The following SNX3 variants were observed in gnomAD, a reference collection of about 807,000 sequenced individuals.
SNX3 encodes the protein sorting nexin 3, also known as sorting nexin-3.
A neutral mutation model predicts 17.7 loss-of-function variants in SNX3; 5 were observed. That is an observed-to-expected ratio of 0.28 (90% CI 0.15 to 0.59). The LOEUF (loss-of-function observed/expected upper bound fraction) is 0.59, where lower values mean the gene tolerates loss of function less well. SNX3 is among the 20% of genes least tolerant of loss of function. The pLI is 0.88. For synonymous variants in SNX3, 91 were observed against 76.5 expected (o/e 1.19, Z -0.99); for missense variants, 132 against 206.8 (o/e 0.64, Z 2.22).
chr6:108,250,949 C>A lies in SNX3; in HGVS notation c.162+9811G>T, dbSNP rs568828631. On this transcript the variant is annotated intron_variant, in intron 1 of 3. Transcript: ENST00000230085. ...TTCTCTGCTAAGAGATTAAGTGATT[C>A]TCTGCCAAGAGACACTGGCTTCATT... is the stretch of plus-strand genomic sequence containing the variant. Among the ~76,000 whole-genome samples the A allele has an allele frequency of 2.6e-5, 4 of 152,276 alleles. 1 individual carries two copies. The South Asian group carries it at 8.3e-4, about 32-fold the overall frequency.
intron 1 of SNX3, among the ~76,000 whole-genome samples, chr6:108,247,838 C>T (rs1442800981): frequency 6.6e-6 from 1 of 152,012 alleles, no homozygotes; most frequent in East Asian, 1.9e-4. Flanking sequence ...TGGCTCATGC[C>T]TGTAATCCCA....
chr6:108,257,983 T>A (rs1268378371), intron 1 of SNX3, among the ~76,000 whole-genome samples: 4 of 151,536 alleles, frequency 2.6e-5, no homozygotes, highest in African/African-American at 4.9e-5. Flanking sequence ...AAAATAAAAA[T>A]AAAAAAAGAA....
chr6:108,213,711 A>G (rs1381659128), intron 3 of SNX3, among the ~76,000 whole-genome samples: 1 of 152,170 alleles, frequency 6.6e-6, no homozygotes, highest in Non-Finnish European at 1.5e-5. Context: ...ACAGATTCAC[A>G]GACAATGAAT....
chr6:108,256,049 G>C (rs907971115), intron 1 of SNX3, among the ~76,000 whole-genome samples: 2 of 152,084 alleles, frequency 1.3e-5, no homozygotes, highest in Non-Finnish European at 2.9e-5. Context: ...GGGCAACATA[G>C]TGAGATCTCG....
intron 1 of SNX3, among the ~76,000 whole-genome samples, chr6:108,259,309 C>G (rs1040395041): frequency 1.3e-5 from 2 of 152,234 alleles, no homozygotes; most frequent in African/African-American, 4.8e-5. Context: ...TCTAGGCTCA[C>G]GGCAACCTCT....
At chr6:108,236,963 C>A (rs1775364616) in intron 1 of SNX3, among the ~76,000 whole-genome samples, 1 of 152,158 alleles carries the variant, frequency 6.6e-6, no homozygotes, top group Non-Finnish European at 1.5e-5. Context: ...TAAAGCTCCA[C>A]AAAGAATGTT....
At chr6:108,249,602 T>C (rs185676154) in intron 1 of SNX3, among the ~76,000 whole-genome samples, 1 of 152,278 alleles carries the variant, frequency 6.6e-6, no homozygotes, top group Admixed American at 6.5e-5. Context: ...ACCAACTTTC[T>C]TTCCTTTATG....
At chr6:108,223,594 G>A (rs1018253293) in intron 1 of SNX3, among the ~76,000 whole-genome samples, 1 of 137,370 alleles carries the variant, frequency 7.3e-6, no homozygotes, top group Admixed American at 7.5e-5. Context: ...ACCTCCTAGG[G>A]TCAAGTGATT....
At chr6:108,248,902 A>G (rs1481443684) in intron 1 of SNX3, among the ~76,000 whole-genome samples, 1 of 152,124 alleles carries the variant, frequency 6.6e-6, no homozygotes, top group Non-Finnish European at 1.5e-5. Context: ...CTGGGACTAC[A>G]GGTATGCATC....
chr6:108,253,393 CTTTTTTTTTT>C (rs369223904), intron 1 of SNX3, among the ~76,000 whole-genome samples: 1 of 123,468 alleles, frequency 8.1e-6, no homozygotes, highest in African/African-American at 3.0e-5. Context: ...ATACATATGT[CTTTTTTTTTT>C]TTTTTTTTTT....
chr6:108,253,401 T>A (rs556912212), intron 1 of SNX3, among the ~76,000 whole-genome samples: 1 of 151,618 alleles, frequency 6.6e-6, no homozygotes, highest in East Asian at 1.9e-4. Context: ...GTCTTTTTTT[T>A]TTTTTTTTTT....
At position 108,244,504 on chromosome 6, in the gene SNX3, A is replaced by G. The variant is rs1775622640; in HGVS notation, c.162+16256T>C. Among the ~76,000 whole-genome samples the G allele has an allele frequency of 2.6e-5, 4 of 152,288 alleles. No homozygotes were observed. The South Asian group carries it at 6.2e-4, about 24-fold the overall frequency. ...TTATTACTGTGGTAAAATATACATA[A>G]TATAAAATTATTTTAAGCATGTTTA... On this transcript the variant is annotated intron_variant, in intron 1 of 3. Transcript: ENST00000230085.
chr6:108,248,327 AACAG>A (rs1294751831), intron 1 of SNX3, among the ~76,000 whole-genome samples: 9 of 152,250 alleles, frequency 5.9e-5, no homozygotes, highest in Admixed American at 5.2e-4. Flanking sequence ...TCTGGAATAT[AACAG>A]ACAGTTCATA....
chr6:108,215,857 A>C (rs548798375), intron 2 of SNX3, among the ~76,000 whole-genome samples: 2 of 152,152 alleles, frequency 1.3e-5, no homozygotes, highest in Non-Finnish European at 2.9e-5. Context: ...ACTTGAGTCC[A>C]GGAGTTCAGG....
rs139469665 is a variant in SNX3 at position 108,251,945 on chromosome 6, T to C, written c.162+8815A>G. Among the ~76,000 whole-genome samples, 22 of 151,976 alleles carry C rather than the reference T, an allele frequency of 1.4e-4. No individual in the cohort carries two copies. The East Asian group carries it at 3.7e-3, about 25-fold the overall frequency. ...GGCATGGTGGTGCACGACCTATATA[T>C]TCCCAGCTACTTGGGAGGCTGAAGC... On this transcript the variant is annotated intron_variant, in intron 1 of 3. Transcript: ENST00000230085.
chr6:108,233,619 C>T (rs1233871780), intron 1 of SNX3, among the ~76,000 whole-genome samples: 1 of 152,144 alleles, frequency 6.6e-6, no homozygotes, highest in East Asian at 1.9e-4. Context: ...CATGGTGGCA[C>T]ACGCCTGTAA....
chr6:108,257,676 G>T (rs529628104), intron 1 of SNX3, among the ~76,000 whole-genome samples: 1 of 152,230 alleles, frequency 6.6e-6, no homozygotes, highest in South Asian at 2.1e-4. Flanking sequence ...CATACTAAAA[G>T]AAATCCAGGC....
At chr6:108,223,494 GTTC>G (rs1398583167) in intron 1 of SNX3, among the ~76,000 whole-genome samples, 9 of 99,360 alleles carry the variant, frequency 9.1e-5, no homozygotes, top group African/African-American at 4.0e-4. Flanking sequence ...AACTTTGCTA[GTTC>G]TTTTTTTTTT....
At chr6:108,220,121 A>C (rs550235098) in intron 2 of SNX3, among the ~76,000 whole-genome samples, 1 of 152,314 alleles carries the variant, frequency 6.6e-6, no homozygotes, top group South Asian at 2.1e-4. Flanking sequence ...AGAGTCAAAA[A>C]GTTAAAGTAA....
Sources: allele counts gnomAD v4.1 joint callset (sites outside exome capture counted in the v4.1 genomes callset), GRCh38; gene constraint gnomAD v4.1.1; transcripts MANE v1.5; gene names NCBI Gene and HGNC (gene_info 2026-07-23, HGNC 2026-07-21).